Variants in AMZ2 observed in about 807,000 individuals in gnomAD.
AMZ2 encodes archaemetzincin-2.
AMZ2 carries 26 observed loss-of-function variants against 36.7 expected under a neutral mutation model. That is an observed-to-expected ratio of 0.71 (90% CI 0.52 to 0.98). The LOEUF (loss-of-function observed/expected upper bound fraction) is 0.98, where lower values mean the gene tolerates loss of function less well. AMZ2 is among the 50% of genes least tolerant of loss of function. AMZ2 has a pLI of 0.00. For synonymous variants in AMZ2, 144 were observed against 149.1 expected (o/e 0.97, Z 0.25); for missense variants, 394 against 430.5 (o/e 0.92, Z 0.75).
In AMZ2 at chr17:68,250,219, T is replaced by TA. The variant is rs1555738397; in HGVS notation, c.37dup (p.Thr13AsnfsTer15). The TA allele has an allele frequency of 5.6e-6, 9 of 1,614,152 alleles. No individual in the cohort carries two copies. The highest frequency in any genetic ancestry group is 5.9e-6 in the Non-Finnish European group (7 of 1,180,032). On this transcript the variant is annotated frameshift_variant, in exon 2 of 7. Transcript: ENST00000359904. LOFTEE classifies it high-confidence loss of function. ...ATAATACGGCACTCCGAACAGACACTAAAAACAGCTCTCATCTCAAAGAAC... is the reference window on the plus strand; with the variant it reads ...ATAATACGGCACTCCGAACAGACACTAAAAAACAGCTCTCATCTCAAAGAAC...
rs1487775028 is a variant in AMZ2 at position 68,217,020 on chromosome 17, G to A, written c.-67+10782G>A. On this transcript the variant is annotated intron_variant, in intron 1 of 7. Coordinates refer to the AMZ2 transcript ENST00000674770. ...TGCACTCCAGCCTGGGCGACAGAGC[G>A]AGACTCCGTCTCAAAAAAAAAAAAA... is the stretch of plus-strand genomic sequence containing the variant. 5.5e-5 allele frequency among the ~76,000 whole-genome samples: 8 copies of A among 144,194 alleles called. No individual in the cohort carries two copies. In the East Asian group the frequency reaches 1.0e-3, roughly 18 times the overall value. The allele number at this position is 144,194 out of a possible 152,430, so 94.6% of individuals were successfully genotyped here.
In AMZ2 at chr17:68,238,545, T is replaced by TAGAGAG. The variant is rs200550918; in HGVS notation, c.-66-10094_-66-10093insGAGAGA. Among the ~76,000 whole-genome samples, 25 of 150,228 alleles carry TAGAGAG rather than the reference T, an allele frequency of 1.7e-4. No homozygotes were observed. In the South Asian group the frequency reaches 4.7e-3, roughly 29 times the overall value. On this transcript the variant is annotated intron_variant, in intron 1 of 7. Coordinates refer to the AMZ2 transcript ENST00000674770. ...TATTTATATGCCATATGTATATATA[T>TAGAGAG]ATAGAGAGAAAGAGTGCATATAGAT... is the stretch of plus-strand genomic sequence containing the variant.
intron 1 of AMZ2, among the ~76,000 whole-genome samples, chr17:68,209,984 A>T (rs372815301): frequency 6.6e-5 from 10 of 152,280 alleles, no homozygotes; most frequent in South Asian, 6.2e-4. Context: ...CCACAATGAG[A>T]TACCACTTCA....
intron 1 of AMZ2, among the ~76,000 whole-genome samples, chr17:68,211,329 C>T (rs12941636): frequency 0.022 from 3,409 of 151,976 alleles, 51 homozygotes; most frequent in Non-Finnish European, 0.037. Flanking sequence ...AGTGAAACCC[C>T]GTTTCTACTA....
chr17:68,226,274 A>G (rs1209499382), intron 1 of AMZ2, among the ~76,000 whole-genome samples: 1 of 152,176 alleles, frequency 6.6e-6, no homozygotes, highest in Non-Finnish European at 1.5e-5. Flanking sequence ...TACTATGTAC[A>G]TTTGACTCTG....
upstream of AMZ2, among the ~76,000 whole-genome samples, chr17:68,244,914 T>C (rs2073970969): frequency 6.6e-6 from 1 of 152,230 alleles, no homozygotes; most frequent in Admixed American, 6.5e-5. Flanking sequence ...TATTTTTTGC[T>C]CATTTTTATG....
Position 68,213,324 on chromosome 17 carries a change from C to A in AMZ2, c.-67+7086C>A, listed in dbSNP as rs148176451. Among the ~76,000 whole-genome samples, 571 of 152,286 alleles carry A rather than the reference C, an allele frequency of 3.7e-3. 5 individuals carry two copies. The highest frequency in any genetic ancestry group is 6.2e-3 in the Non-Finnish European group (425 of 68,022). On this transcript the variant is annotated intron_variant, in intron 1 of 7. Coordinates refer to the AMZ2 transcript ENST00000674770. ...AAAAGAATGAAAGGATTTAAAAAAT[C>A]ATAATAACCAAAATGGGGAGAATAA...
chr17:68,244,097 C>T (rs1555734665), upstream of AMZ2, among the ~76,000 whole-genome samples: 1 of 152,164 alleles, frequency 6.6e-6, no homozygotes, highest in Non-Finnish European at 1.5e-5. Flanking sequence ...AGGTTTCTCT[C>T]TACTGGCAAA....
chr17:68,228,615 C>T (rs1405289889), intron 1 of AMZ2, among the ~76,000 whole-genome samples: 10 of 152,240 alleles, frequency 6.6e-5, no homozygotes, highest in African/African-American at 2.4e-4. Context: ...TCATTTGGGT[C>T]ACCCCTGTGG....
At chr17:68,241,294 T>C (rs544278357) in intron 1 of AMZ2, among the ~76,000 whole-genome samples, 1 of 152,006 alleles carries the variant, frequency 6.6e-6, no homozygotes, top group Non-Finnish European at 1.5e-5. Flanking sequence ...TAGGCAAAAA[T>C]AAAGAGGTTC....
intron 5 of AMZ2, 122 bp downstream of exon 5, chr17:68,254,689 G>T: frequency 1.1e-6 from 1 of 897,296 alleles, no homozygotes. Flanking sequence ...TATAATTTTG[G>T]TGCATAGTGC....
At position 68,210,084 on chromosome 17, in the gene AMZ2, TAGAG is replaced by T. The variant is rs536034533; in HGVS notation, c.-67+3850_-67+3853del. The stretch of plus-strand genomic sequence containing the variant: ...GGAAATTGGAACCATTATGTATTGT[TAGAG>T]AGAATGTAAAACCATGTAACACTGG... On this transcript the variant is annotated intron_variant, in intron 1 of 7. Transcript: ENST00000674770. Among the ~76,000 whole-genome samples, 26 of 152,308 alleles carry T rather than the reference TAGAG, an allele frequency of 1.7e-4. 2 individuals carry two copies. The South Asian group carries it at 5.4e-3, about 32-fold the overall frequency.
At chr17:68,223,891 TA>T (rs113897205) in intron 1 of AMZ2, among the ~76,000 whole-genome samples, 3,980 of 114,714 alleles carry the variant, frequency 0.035, 196 homozygotes, top group African/African-American at 0.12. Context: ...AATTTATATA[TA>T]TATATATTTT....
intron 2 of AMZ2, 112 bp downstream of exon 2, chr17:68,250,582 T>A (rs144386598): frequency 4.3e-6 from 6 of 1,395,162 alleles, no homozygotes; most frequent in Non-Finnish European, 5.8e-6. Context: ...TCGTTTTTGA[T>A]ATTCATTGCG....
intron 1 of AMZ2, among the ~76,000 whole-genome samples, chr17:68,219,951 A>G (rs138216439): frequency 0.02 from 3,071 of 152,256 alleles, 104 homozygotes; most frequent in African/African-American, 0.069. Context: ...AGTGCCCATC[A>G]GATTCAATCT....
At chr17:68,250,096 A>G in intron 1 of AMZ2, 92 bp from the exon 2 acceptor site, 2 of 1,354,210 alleles carry the variant, frequency 1.5e-6, no homozygotes, top group Non-Finnish European at 2.0e-6. Flanking sequence ...ATTTCACTCT[A>G]GGGAGAAATC....
chr17:68,246,014 ATG>A (rs1555735214), upstream of AMZ2, among the ~76,000 whole-genome samples: 1 of 152,046 alleles, frequency 6.6e-6, no homozygotes, highest in African/African-American at 2.4e-5. Flanking sequence ...TTCTGTTAAG[ATG>A]TGCTGTAGGT....
intron 2 of AMZ2, 93 bp downstream of exon 2, chr17:68,250,563 G>T: frequency 6.8e-7 from 1 of 1,464,876 alleles, no homozygotes; most frequent in Non-Finnish European, 9.1e-7. Flanking sequence ...CAGATGGGCC[G>T]TTTTAGGATC....
chr17:68,229,186 G>A (rs1243783555), intron 1 of AMZ2, among the ~76,000 whole-genome samples: 5 of 152,160 alleles, frequency 3.3e-5, no homozygotes, highest in South Asian at 2.1e-4. Context: ...GGGACGTCAC[G>A]GTGCTTTGTG....
Sources: gnomAD v4.1 joint callset for allele counts (sites outside exome capture counted in the v4.1 genomes callset) on GRCh38, gnomAD v4.1.1 for gene constraint, MANE v1.5 for transcripts, NCBI Gene and HGNC (gene_info 2026-07-23, HGNC 2026-07-21) for gene names.